The following TBC1D8B variants were observed in gnomAD, a reference collection of about 807,000 sequenced individuals.
TBC1D8B encodes RP11-321G1.1.
Under a neutral mutation model 82.9 loss-of-function variants are expected in TBC1D8B, and 75 were observed. The ratio of observed to expected loss-of-function variants is 0.90; its 90% CI spans 0.75 to 1.10. The LOEUF (loss-of-function observed/expected upper bound fraction) is 1.10. Among genes scored for constraint, TBC1D8B ranks in the 50% least tolerant of loss-of-function variants. TBC1D8B has a pLI of 0.00. For missense variants in TBC1D8B, 794 were observed against 796.9 expected, an observed-to-expected ratio of 1.00 and a Z score of 0.04; for synonymous variants, 276 against 276.8, an observed-to-expected ratio of 1.00 and a Z score of 0.03.
chrX:106,816,666 A>G (rs1931549162), intron 1 of TBC1D8B, among the ~76,000 whole-genome samples: 1 of 111,124 alleles, frequency 9.0e-6, no homozygotes, highest in Non-Finnish European at 1.9e-5. Flanking sequence ...TCTTATCTCT[A>G]TAATCTGCAC....
At chrX:106,829,274 C>T (rs1193346746) in intron 7 of TBC1D8B, 4 of 107,702 alleles carry the variant, frequency 3.7e-5, no homozygotes, top group Non-Finnish European at 7.5e-5. Flanking sequence ...CTACAAACCA[C>T]TACTCAAGGA....
rs1456065768 is a variant in TBC1D8B at position 106,818,770 on chromosome X, T to G, written c.238T>G (p.Cys80Gly). The change falls in exon 2 of 21, where the codon TGT becomes GGT. Residue 80 changes from cysteine to glycine, a missense_variant. Coordinates refer to ENST00000357242, the MANE Select transcript of TBC1D8B (RefSeq NM_017752.3). ...PDSQVYLSIA[C>G]GANREEITKH... ...TTCTCAAGTTTACTTGTCAATTGCA[T>G]GTGGTGAGTATGATTTTTAAAACAT... 1 of 1,177,438 alleles carries G rather than the reference T, an allele frequency of 8.5e-7. No individual in the cohort carries two copies. The highest frequency in any genetic ancestry group is 3.0e-5 in the East Asian group (1 of 33,537).
rs755292406 is a variant in TBC1D8B at position 106,802,975 on chromosome X, G to T, written c.122G>T (p.Gly41Val). 2 of 1,205,424 alleles carry T rather than the reference G, an allele frequency of 1.7e-6. No individual in the cohort carries two copies. Among genetic ancestry groups the T allele is most frequent in the Non-Finnish European group, 1.1e-6 (1 of 893,047 alleles). ...RRGYGEEGGGGLTGLLVGTLD... is the reference protein window; with the variant it reads ...RRGYGEEGGGVLTGLLVGTLD... ...GGCTACGGGGAGGAAGGCGGAGGGG[G>T]GCTCACAGGTAAGCTGTGGCCACCC... The change falls in exon 1 of 21, where the codon GGG (glycine) becomes GTG (valine). Residue 41 changes from glycine (G) to valine (V), a missense_variant. Physicochemically the swap from Gly to Val is moderately radical, Grantham distance 109 (BLOSUM62 -3). Coordinates refer to ENST00000357242, the MANE Select transcript of TBC1D8B (RefSeq NM_017752.3).
chrX:106,849,640 A>G (rs1048947606), intron 11 of TBC1D8B: 35 of 874,590 alleles, frequency 4.0e-5, no homozygotes, highest in Admixed American at 6.4e-5. Flanking sequence ...GATAATCAAA[A>G]TGAACTTAGA....
chrX:106,852,286 T>C (rs1328707335), intron 12 of TBC1D8B, among the ~76,000 whole-genome samples: 1 of 101,793 alleles, frequency 9.8e-6, no homozygotes, highest in Non-Finnish European at 2.0e-5. Flanking sequence ...TGTAAATTTG[T>C]TTGAGTTCAT....
At chrX:106,811,431 T>C (rs1931369406) in intron 1 of TBC1D8B, among the ~76,000 whole-genome samples, 1 of 110,306 alleles carries the variant, frequency 9.1e-6, no homozygotes, top group African/African-American at 3.3e-5. Flanking sequence ...AAGGCTGGGG[T>C]GGGTGGGAGA....
rs759487916 is a variant in TBC1D8B, at chrX:106,835,252, A to T, written c.1204-4056A>T. Among the ~76,000 whole-genome samples, 7 of 112,776 alleles carry T rather than the reference A, an allele frequency of 6.2e-5. No homozygotes were observed. The South Asian group carries it at 1.5e-3, about 24-fold the overall frequency. On this transcript the variant is annotated intron_variant, in intron 7 of 20. Transcript: ENST00000357242. ...CATCTGTAGCCCAACACCATGTGTA[A>T]GCCACTAAGGCTTGGGGCTTGCACC...
chrX:106,807,721 C>T (rs1931235448), intron 1 of TBC1D8B, among the ~76,000 whole-genome samples: 2 of 110,308 alleles, frequency 1.8e-5, no homozygotes, highest in African/African-American at 6.6e-5. Flanking sequence ...ATTTGCCCTC[C>T]CTAGGTATTG....
chrX:106,849,785 A>G (rs1932549006), intron 11 of TBC1D8B: 2 of 916,004 alleles, frequency 2.2e-6, no homozygotes, highest in Non-Finnish European at 2.8e-6. Context: ...AATACCTAGT[A>G]CAGGTCTCTG....
chrX:106,874,657 T>C lies in TBC1D8B; in HGVS notation c.*692T>C, dbSNP rs1932874884. 1 of 111,643 alleles carries C rather than the reference T, an allele frequency of 9.0e-6. No homozygotes were observed. The highest frequency in any genetic ancestry group is 1.9e-5 in the Non-Finnish European group (1 of 53,141). 9.2% of individuals were successfully genotyped at this position (111,643 alleles called of 1,213,427 possible). A position where few individuals can be genotyped will look rare whatever the true frequency, so the allele number is the denominator to read the frequency against. Reference sequence around the variant, plus strand: ...AATAACTCTAAATTCTGGGCTGATATAAAGAAAAAAACAATATTGGATTTG... The same window carrying C: ...AATAACTCTAAATTCTGGGCTGATACAAAGAAAAAAACAATATTGGATTTG... On this transcript the variant is annotated 3_prime_UTR_variant, in exon 21 of 21. Transcript: ENST00000357242.
At position 106,850,062 on chromosome X, in the gene TBC1D8B, C is replaced by G. The variant is rs1310534590; in HGVS notation, c.1875C>G (p.Ile625Met). 4 of 1,208,493 alleles carry G rather than the reference C, an allele frequency of 3.3e-6. No homozygotes were observed. The highest frequency in any genetic ancestry group is 4.5e-6 in the Non-Finnish European group (4 of 894,007). ...LVDQAVFEEL[I>M]RDHLPQLTEH... is the part of the protein sequence containing the mutation. ...ATCAGGCAGTCTTTGAAGAACTTATCAGGGATCACCTTCCTCAGCTGACAG... is the reference window on the plus strand; with the variant it reads ...ATCAGGCAGTCTTTGAAGAACTTATGAGGGATCACCTTCCTCAGCTGACAG... The change falls in exon 12 of 21, where the codon ATC (isoleucine) becomes ATG (methionine). Residue 625 changes from isoleucine (I) to methionine (M), a missense_variant. Ile to Met is a conservative substitution (Grantham distance 10). Transcript: ENST00000357242.
chrX:106,860,539 G>T (rs945797247), intron 14 of TBC1D8B, among the ~76,000 whole-genome samples: 1 of 110,164 alleles, frequency 9.1e-6, no homozygotes. Context: ...AGTCTCTGAG[G>T]GTATTTTTTG....
intron 10 of TBC1D8B, among the ~76,000 whole-genome samples, chrX:106,847,886 G>C (rs1932493463): frequency 9.0e-6 from 1 of 111,502 alleles, no homozygotes; most frequent in African/African-American, 3.2e-5. Context: ...TCAGATTAGT[G>C]ATAATTAAGG....
At chrX:106,846,404 G>A (rs993813791) in intron 10 of TBC1D8B, among the ~76,000 whole-genome samples, 10 of 101,159 alleles carry the variant, frequency 9.9e-5, no homozygotes, top group South Asian at 5.5e-4. Context: ...CACCGCACCC[G>A]GCCTAGATGT....
chrX:106,839,054 A>G (rs1212939792), intron 7 of TBC1D8B, among the ~76,000 whole-genome samples: 2 of 111,452 alleles, frequency 1.8e-5, no homozygotes, highest in Admixed American at 1.9e-4. Flanking sequence ...GTGTTCTGAA[A>G]TGGTTTATTT....
chrX:106,827,522 A>G, intron 7 of TBC1D8B, 185 bp downstream of exon 7: 2 of 427,074 alleles, frequency 4.7e-6, no homozygotes, highest in East Asian at 4.2e-5. Flanking sequence ...TAAGGACTTT[A>G]TTCATTTTTA....
At chrX:106,850,453 C>T (rs1932564152) in intron 12 of TBC1D8B, 143 bp downstream of exon 12, 1 of 581,165 alleles carries the variant, frequency 1.7e-6, no homozygotes. Context: ...AGAGCTACAC[C>T]TAAAGTCCAG....
chrX:106,822,836 A>G (rs1864426757), intron 4 of TBC1D8B, among the ~76,000 whole-genome samples: 2 of 102,370 alleles, frequency 2.0e-5, no homozygotes, highest in South Asian at 4.3e-4. Flanking sequence ...TGTCTCTACA[A>G]AAAAAAAAAA....
intron 7 of TBC1D8B, among the ~76,000 whole-genome samples, chrX:106,834,931 T>A (rs1932137039): frequency 1.8e-5 from 2 of 112,102 alleles, no homozygotes; most frequent in African/African-American, 6.5e-5. Context: ...ATTGAATGCC[T>A]GCAGCTTTTC....
Sources: gnomAD v4.1 joint callset for allele counts (sites outside exome capture counted in the v4.1 genomes callset) on GRCh38, gnomAD v4.1.1 for gene constraint, MANE v1.5 for transcripts, NCBI Gene and HGNC (gene_info 2026-07-23, HGNC 2026-07-21) for gene names.